The following CLNS1A variants were observed in gnomAD, a reference collection of about 807,000 sequenced individuals.
The protein encoded by CLNS1A is chloride nucleotide-sensitive channel 1A.
Under a neutral mutation model 29.4 loss-of-function variants are expected in CLNS1A, and 16 were observed. The ratio of observed to expected loss-of-function variants is 0.54; its 90% CI spans 0.37 to 0.83. CLNS1A has a LOEUF of 0.83. Among genes scored for constraint, CLNS1A ranks in the 40% least tolerant of loss-of-function variants. CLNS1A has a pLI of 0.00. For synonymous variants in CLNS1A, 96 were observed against 104.8 expected (o/e 0.92, Z 0.51); for missense variants, 235 against 287.4 (o/e 0.82, Z 1.32).
At position 77,637,441 on chromosome 11, in the gene CLNS1A, C is replaced by T. The variant is rs1959143679; in HGVS notation, c.125+149G>A. 4 of 1,000,108 alleles carry T rather than the reference C, an allele frequency of 4.0e-6. No individual in the cohort carries two copies. The South Asian group carries it at 7.5e-5, about 19-fold the overall frequency. The allele number at this position is 1,000,108 out of a possible 1,614,324, so 62.0% of individuals were successfully genotyped here. Reference sequence around the variant, plus strand: ...GTACTAGAAAAATCGAGCCTTCCACCCGCTACAGGTATCCCTGAGGCGTCG... The same window carrying T: ...GTACTAGAAAAATCGAGCCTTCCACTCGCTACAGGTATCCCTGAGGCGTCG... On this transcript the variant is annotated intron_variant, in intron 1 of 6. Coordinates refer to ENST00000525428, the MANE Select transcript of CLNS1A (RefSeq NM_001293.3).
Position 77,619,402 on chromosome 11 carries a change from T to A in CLNS1A, c.*22+204A>T, listed in dbSNP as rs550202522. ...TAAAATAAGCTGGGTGTGGTAAGCA[T>A]GTGCCTATAGTCCCAGCTATTTGGG... On this transcript the variant is annotated intron_variant, in intron 6 of 6. Transcript: ENST00000525428. The A allele has an allele frequency of 1.7e-5, 9 of 516,336 alleles. No homozygotes were observed. The East Asian group carries it at 3.1e-4, about 18-fold the overall frequency. 32.0% of individuals were successfully genotyped at this position (516,336 alleles called of 1,614,324 possible). A position where few individuals can be genotyped will look rare whatever the true frequency, so the allele number is the denominator to read the frequency against.
chr11:77,622,560 C>A lies in CLNS1A; in HGVS notation c.586G>T (p.Val196Leu). ...CCAGCCATATTATACTGGCTGCTCA[C>A]AGACTGAGAAAGCATTCCTTCTAAT... ...ERLEGMLSQS[V>L]SSQYNMAGVR... The change falls in exon 5 of 7, where the codon GTG (valine) becomes TTG (leucine). Residue 196 changes from valine (V) to leucine (L), a missense_variant. Transcript: ENST00000525428. The A allele has an allele frequency of 6.2e-7, 1 of 1,613,520 alleles. No individual in the cohort carries two copies. The highest frequency in any genetic ancestry group is 8.5e-7 in the Non-Finnish European group (1 of 1,179,844).
intron 1 of CLNS1A, among the ~76,000 whole-genome samples, chr11:77,633,084 CAAAAAAA>C (rs887085397): frequency 2.5e-4 from 14 of 55,592 alleles, no homozygotes; most frequent in African/African-American, 6.9e-4. Flanking sequence ...GACTCCATCT[CAAAAAAA>C]AAAAAAAAAA....
Position 77,625,765 on chromosome 11 carries a change from C to T in CLNS1A, c.316G>A (p.Val106Ile), listed in dbSNP as rs1421857513. 9.3e-6 allele frequency: 15 copies of T among 1,610,982 alleles called. No homozygotes were observed. The highest frequency in any genetic ancestry group is 1.1e-5 in the Non-Finnish European group (13 of 1,177,428). The change falls in exon 3 of 7, where the codon GTT (valine) becomes ATT (isoleucine). Residue 106 changes from valine (V) to isoleucine (I), a missense_variant. Physicochemically the swap from Val to Ile is conservative, Grantham distance 29. Coordinates refer to ENST00000525428, the MANE Select transcript of CLNS1A (RefSeq NM_001293.3). ...DEEEEDSDDD[V>I]EPITEFRFVP... ...AATCTAAATTCAGTAATAGGTTCAACATCATCATCACTGTCTTCCTCTTCT... is the reference window on the plus strand; with the variant it reads ...AATCTAAATTCAGTAATAGGTTCAATATCATCATCACTGTCTTCCTCTTCT...
At chr11:77,621,773 TAA>T (rs1958960546) in intron 5 of CLNS1A, 1 of 326,524 alleles carries the variant, frequency 3.1e-6, no homozygotes, top group East Asian at 7.4e-5. Context: ...ATTAGCCTTG[TAA>T]ACTGGTGAAA....
intron 4 of CLNS1A, 130 bp downstream of exon 4, chr11:77,624,833 A>C: frequency 1.8e-6 from 1 of 556,434 alleles, no homozygotes; most frequent in Non-Finnish European, 3.1e-6. Context: ...AAATAATAAT[A>C]ATAATTTTAC....
chr11:77,615,946 GAAGTGGCAGA>G lies in CLNS1A; in HGVS notation c.*762_*771del, dbSNP rs1202962544. ...TAAGAAATTACTGCTGATCTAAAAGGAAGTGGCAGAAATCCCCTGAAATGTGTTAAATCTT... is the reference window on the plus strand; with the variant it reads ...TAAGAAATTACTGCTGATCTAAAAGGAATCCCCTGAAATGTGTTAAATCTT... On this transcript the variant is annotated 3_prime_UTR_variant, in exon 7 of 7. Coordinates refer to ENST00000525428, the MANE Select transcript of CLNS1A (RefSeq NM_001293.3). 2 of 152,178 alleles carry G rather than the reference GAAGTGGCAGA, an allele frequency of 1.3e-5. No individual in the cohort carries two copies. The highest frequency in any genetic ancestry group is 4.8e-5 in the African/African-American group (2 of 41,442). 9.4% of individuals were successfully genotyped at this position (152,178 alleles called of 1,614,324 possible).
intron 6 of CLNS1A, among the ~76,000 whole-genome samples, chr11:77,617,623 T>C (rs914940476): frequency 7.9e-5 from 12 of 151,752 alleles, no homozygotes; most frequent in African/African-American, 2.9e-4. Context: ...TTATACATAA[T>C]GTTTATACAT....
At chr11:77,629,961 G>A in intron 1 of CLNS1A, 62 bp from the exon 2 acceptor site, 1 of 1,497,254 alleles carries the variant, frequency 6.7e-7, no homozygotes, top group Non-Finnish European at 9.2e-7. Context: ...AGACCACAAA[G>A]TATATAAAAG....
At chr11:77,636,818 G>C (rs1300141568) in intron 1 of CLNS1A, among the ~76,000 whole-genome samples, 1 of 152,154 alleles carries the variant, frequency 6.6e-6, no homozygotes, top group East Asian at 1.9e-4. Flanking sequence ...GGAAAGATTC[G>C]ATGTGTCATT....
chr11:77,625,718 C>T lies in CLNS1A; in HGVS notation c.363G>A (p.Ala121=), dbSNP rs139072243. The T allele has an allele frequency of 1.2e-4, 201 of 1,609,818 alleles. No individual in the cohort carries two copies. The highest frequency in any genetic ancestry group is 3.2e-4 in the Admixed American group (19 of 59,420). Reference sequence around the variant, plus strand: ...GAATCAATACTGTAGAACACTCACACGCTGATTTATCACTAGGCACAAATC... The same window carrying T: ...GAATCAATACTGTAGAACACTCACATGCTGATTTATCACTAGGCACAAATC... ...EFRFVPSDKS[A]LEAMFTAMCE... The change falls in exon 3 of 7, where the codon GCG becomes GCA. Residue 121 remains alanine, a splice_region_variant and synonymous_variant. Transcript: ENST00000525428.
chr11:77,625,745 A>C lies in CLNS1A; in HGVS notation c.336T>G (p.Phe112Leu), dbSNP rs763337444. Residue 112 changes from phenylalanine to leucine, a missense_variant, in exon 3 of 7, where the codon TTT becomes TTG. Phe to Leu is a conservative substitution (Grantham distance 22, BLOSUM62 0). Transcript: ENST00000525428. Reference sequence around the variant, plus strand: ...CTGATTTATCACTAGGCACAAATCTAAATTCAGTAATAGGTTCAACATCAT... The same window carrying C: ...CTGATTTATCACTAGGCACAAATCTCAATTCAGTAATAGGTTCAACATCAT... ...SDDDVEPITE[F>L]RFVPSDKSAL... 7 of 1,612,788 alleles carry C rather than the reference A, an allele frequency of 4.3e-6. No individual in the cohort carries two copies. In the South Asian group the frequency reaches 6.6e-5, roughly 15 times the overall value.
chr11:77,624,936 AC>A (rs111873410), intron 4 of CLNS1A, 26 bp downstream of exon 4: 31 of 1,473,808 alleles, frequency 2.1e-5, no homozygotes, highest in Non-Finnish European at 2.8e-5. Context: ...CAAACAAAAA[AC>A]CCACTTTAAA....
At chr11:77,624,775 C>T (rs562971767) in intron 4 of CLNS1A, among the ~76,000 whole-genome samples, 188 bp downstream of exon 4, 6 of 152,202 alleles carry the variant, frequency 3.9e-5, no homozygotes, top group African/African-American at 1.2e-4. Context: ...GCCGAGACCA[C>T]GCCATTGCAC....
At chr11:77,617,427 A>G (rs1449487888) in intron 6 of CLNS1A, among the ~76,000 whole-genome samples, 1 of 150,198 alleles carries the variant, frequency 6.7e-6, no homozygotes, top group Non-Finnish European at 1.5e-5. Context: ...CTGTAATCCC[A>G]GCTATTCAGG....
In CLNS1A at chr11:77,629,763, C is replaced by G. The variant is rs1959056364; in HGVS notation, c.262G>C (p.Glu88Gln). The G allele has an allele frequency of 6.2e-7, 1 of 1,611,962 alleles. No homozygotes were observed. Among genetic ancestry groups the G allele is most frequent in the Non-Finnish European group, 8.5e-7 (1 of 1,179,692 alleles). ...TTAGATTAAATTACACCATACATACCTTCAAATTTGGCATTCACCATAACA... is the reference window on the plus strand; with the variant it reads ...TTAGATTAAATTACACCATACATACGTTCAAATTTGGCATTCACCATAACA... Reference protein sequence around the residue: ...LYVMVNAKFEEESKEPVADEE... With the variant: ...LYVMVNAKFEQESKEPVADEE... The change falls in exon 2 of 7, where the codon GAA becomes CAA. Residue 88 changes from glutamate to glutamine, a missense_variant and splice_region_variant. Physicochemically the swap from Glu to Gln is conservative, Grantham distance 29 (BLOSUM62 2). Coordinates refer to ENST00000525428, the MANE Select transcript of CLNS1A (RefSeq NM_001293.3).
At chr11:77,621,177 C>A (rs1488841440) in intron 5 of CLNS1A, among the ~76,000 whole-genome samples, 1 of 152,048 alleles carries the variant, frequency 6.6e-6, no homozygotes, top group African/African-American at 2.4e-5. Flanking sequence ...TGGGTAATCC[C>A]TGCTACTCAG....
At chr11:77,619,902 CTG>C (rs1391189406) in intron 5 of CLNS1A, among the ~76,000 whole-genome samples, 2 of 152,356 alleles carry the variant, frequency 1.3e-5, no homozygotes, top group South Asian at 2.1e-4. Context: ...GCGACACTAA[CTG>C]TGTAAATTCT....
chr11:77,637,454 C>T, intron 1 of CLNS1A, 136 bp downstream of exon 1: 1 of 1,132,076 alleles, frequency 8.8e-7, no homozygotes, highest in Non-Finnish European at 1.2e-6. Context: ...CTACAGGTAT[C>T]CCTGAGGCGT....
Sources: gnomAD v4.1 joint callset for allele counts (sites outside exome capture counted in the v4.1 genomes callset) on GRCh38, gnomAD v4.1.1 for gene constraint, MANE v1.5 for transcripts, NCBI Gene and HGNC (gene_info 2026-07-23, HGNC 2026-07-21) for gene names.